The following ADORA2B variants were observed in gnomAD, a reference collection of about 807,000 sequenced individuals.
ADORA2B encodes adenosine receptor A2b.
Under a neutral mutation model 20.8 loss-of-function variants are expected in ADORA2B, and 18 were observed. That is an observed-to-expected ratio of 0.87 (90% CI 0.60 to 1.29). The LOEUF (loss-of-function observed/expected upper bound fraction) is 1.29, where lower values mean the gene tolerates loss of function less well. Among genes scored for constraint, ADORA2B ranks in the 50% most tolerant of loss-of-function variants. ADORA2B has a pLI of 0.00. For synonymous variants in ADORA2B, 179 were observed against 178.3 expected (o/e 1.00, Z -0.03); for missense variants, 441 against 422.7 (o/e 1.04, Z -0.38).
At chr17:15,900,290 G>A in the ADORA2B span, among the ~76,000 whole-genome samples, 1 of 152,120 alleles carries the variant, frequency 6.6e-6, no homozygotes, top group African/African-American at 2.4e-5. Flanking sequence ...GGGATTACTG[G>A]GTTGAATGGT....
At chr17:15,964,818 T>C (rs1053264406) in intron 1 of ADORA2B, among the ~76,000 whole-genome samples, 2 of 151,520 alleles carry the variant, frequency 1.3e-5, no homozygotes, top group African/African-American at 2.4e-5. Flanking sequence ...CCCCAGCACT[T>C]TGGGAGGCCA....
upstream of ADORA2B, among the ~76,000 whole-genome samples, chr17:15,943,885 G>T (rs1969766261): frequency 6.6e-6 from 1 of 152,244 alleles, no homozygotes; most frequent in Non-Finnish European, 1.5e-5. Flanking sequence ...CCTCTTTGGT[G>T]ACTGTCAGCA....
the ADORA2B span, among the ~76,000 whole-genome samples, chr17:15,934,574 C>A: frequency 6.6e-6 from 1 of 151,972 alleles, no homozygotes; most frequent in Non-Finnish European, 1.5e-5. Context: ...TTGTTGACTT[C>A]TTTTTTGTTA....
At chr17:15,935,004 A>G in the ADORA2B span, among the ~76,000 whole-genome samples, 31 of 152,100 alleles carry the variant, frequency 2.0e-4, no homozygotes, top group South Asian at 6.0e-3. Context: ...ACAGAGTTTC[A>G]CTATGTTGGC....
At chr17:15,887,931 A>G in the ADORA2B span, among the ~76,000 whole-genome samples, 2 of 84,724 alleles carry the variant, frequency 2.4e-5, 1 homozygote, top group Admixed American at 3.1e-4. Context: ...AGCCTGGGCG[A>G]CAGAGAGCCA....
At chr17:15,961,317 T>C (rs2151602479) in intron 1 of ADORA2B, among the ~76,000 whole-genome samples, 1 of 152,304 alleles carries the variant, frequency 6.6e-6, no homozygotes, top group East Asian at 1.9e-4. Context: ...GTTCAGGTGA[T>C]TTTGCCAAAT....
chr17:15,895,431 G>C, the ADORA2B span, among the ~76,000 whole-genome samples: 1 of 152,162 alleles, frequency 6.6e-6, no homozygotes, highest in Non-Finnish European at 1.5e-5. Flanking sequence ...TGGAGTCTGA[G>C]GTGCTGTGAA....
the ADORA2B span, among the ~76,000 whole-genome samples, chr17:15,859,947 T>G: frequency 6.6e-6 from 1 of 152,076 alleles, no homozygotes; most frequent in Non-Finnish European, 1.5e-5. Context: ...AAAGAAGTAG[T>G]AAAAACTAAA....
the ADORA2B span, among the ~76,000 whole-genome samples, chr17:15,908,373 T>G: frequency 3.3e-5 from 5 of 152,228 alleles, no homozygotes; most frequent in African/African-American, 9.6e-5. Context: ...AAAAAGTCTT[T>G]TCTTTTAACT....
intron 1 of ADORA2B, among the ~76,000 whole-genome samples, chr17:15,946,877 T>C (rs1969813773): frequency 6.6e-6 from 1 of 152,206 alleles, no homozygotes; most frequent in Non-Finnish European, 1.5e-5. Flanking sequence ...CTCTGCTGTT[T>C]TGGGAGGAGG....
the ADORA2B span, among the ~76,000 whole-genome samples, chr17:15,858,300 G>A: frequency 6.6e-6 from 1 of 151,996 alleles, no homozygotes; most frequent in Non-Finnish European, 1.5e-5. Flanking sequence ...TTCCTAACAG[G>A]TGTGAGGTGG....
chr17:15,899,499 G>A, the ADORA2B span, among the ~76,000 whole-genome samples: 1 of 152,084 alleles, frequency 6.6e-6, no homozygotes, highest in Non-Finnish European at 1.5e-5. Context: ...TTGTTACATG[G>A]GTATATGGCA....
At chr17:15,913,995 G>T in the ADORA2B span, among the ~76,000 whole-genome samples, 1 of 152,148 alleles carries the variant, frequency 6.6e-6, no homozygotes, top group Non-Finnish European at 1.5e-5. Context: ...CAGAGTCTTC[G>T]ATCTTCTCAG....
rs1375472625 is a variant in ADORA2B at position 15,975,464 on chromosome 17, C to T, written c.*122C>T. Reference sequence around the variant, plus strand: ...GGAAATGGACTGCCTCTCTTGAGCACTTCCCTGGAGCTACCACGTATCTAG... The same window carrying T: ...GGAAATGGACTGCCTCTCTTGAGCATTTCCCTGGAGCTACCACGTATCTAG... On this transcript the variant is annotated 3_prime_UTR_variant, in exon 2 of 2. Coordinates refer to ENST00000304222, the MANE Select transcript of ADORA2B (RefSeq NM_000676.4). The T allele has an allele frequency of 9.9e-6, 10 of 1,010,588 alleles. No homozygotes were observed. The East Asian group carries it at 2.4e-4, about 25-fold the overall frequency. 62.6% of individuals were successfully genotyped at this position (1,010,588 alleles called of 1,614,324 possible).
At chr17:15,877,633 G>C in the ADORA2B span, among the ~76,000 whole-genome samples, 1 of 152,244 alleles carries the variant, frequency 6.6e-6, no homozygotes, top group Non-Finnish European at 1.5e-5. Flanking sequence ...TAATTCCCTT[G>C]TTTTCAGTGT....
At position 15,945,258 on chromosome 17, in the gene ADORA2B, G is replaced by A; in HGVS notation, c.10G>A (p.Glu4Lys). Residue 4 changes from glutamate to lysine, a missense_variant, in exon 1 of 2, where the codon GAG becomes AAG. By Grantham distance (56) the Glu-to-Lys change is moderately conservative (BLOSUM62 1). Transcript: ENST00000304222. MLL[E>K]TQDALYVALE... ...CCCAGCTGGCCCGGCCATGCTGCTG[G>A]AGACACAGGACGCGCTGTACGTGGC... 1 of 1,481,994 alleles carries A rather than the reference G, an allele frequency of 6.7e-7. No individual in the cohort carries two copies. Among genetic ancestry groups the A allele is most frequent in the Non-Finnish European group, 8.9e-7 (1 of 1,118,398 alleles). The allele number at this position is 1,481,994 out of a possible 1,614,324, so 91.8% of individuals were successfully genotyped here.
the ADORA2B span, among the ~76,000 whole-genome samples, chr17:15,856,152 A>C: frequency 6.6e-6 from 1 of 151,638 alleles, no homozygotes; most frequent in Admixed American, 6.6e-5. Flanking sequence ...TGTTCTTCGG[A>C]TAGTGAGTGC....
chr17:15,930,248 A>G, the ADORA2B span, among the ~76,000 whole-genome samples: 1 of 146,080 alleles, frequency 6.8e-6, no homozygotes, highest in Non-Finnish European at 1.5e-5. Flanking sequence ...GAGTTGGTTT[A>G]TTTGAATGTG....
chr17:15,925,965 G>A, the ADORA2B span, among the ~76,000 whole-genome samples: 248 of 151,854 alleles, frequency 1.6e-3, no homozygotes, highest in Non-Finnish European at 3.0e-3. Context: ...GCAAGACTCC[G>A]TCTTAAAAAA....
Sources: gnomAD v4.1 joint callset for allele counts (sites outside exome capture counted in the v4.1 genomes callset) on GRCh38, gnomAD v4.1.1 for gene constraint, MANE v1.5 for transcripts, NCBI Gene and HGNC (gene_info 2026-07-23, HGNC 2026-07-21) for gene names.